The following CEBPZ variants were observed in gnomAD, a reference collection of about 807,000 sequenced individuals.
CEBPZ encodes CCAAT enhancer binding protein zeta.
CEBPZ carries 78 observed loss-of-function variants against 104.5 expected under a neutral mutation model. The observed-to-expected ratio is 0.75, with a 90% confidence interval of 0.62 to 0.90. The LOEUF is 0.90. Among genes scored for constraint, CEBPZ ranks in the 40% least tolerant of loss-of-function variants. The pLI, the probability that CEBPZ is intolerant of heterozygous loss-of-function variation, is 0.00. For synonymous variants in CEBPZ, 470 were observed against 427.0 expected (o/e 1.10, Z -1.24); for missense variants, 1,439 against 1,233.5 (o/e 1.17, Z -2.50).
chr2:37,231,444 G>C lies in CEBPZ; in HGVS notation c.124C>G (p.Leu42Val). Residue 42 changes from leucine to valine, a missense_variant, in exon 1 of 16, where the codon CTG becomes GTG. Transcript: ENST00000234170. ...NTSEAENGFS[L>V]EEVLRLGGTK... ...CCTCCGAGCCGTAACACTTCCTCCA[G>C]GGAGAACCCATTCTCGGCTTCACTA... 1 of 1,614,166 alleles carries C rather than the reference G, an allele frequency of 6.2e-7. No individual in the cohort carries two copies. The highest frequency in any genetic ancestry group is 8.5e-7 in the Non-Finnish European group (1 of 1,180,026).
At chr2:37,225,164 A>T (rs1477241315) in intron 2 of CEBPZ, among the ~76,000 whole-genome samples, 1 of 152,184 alleles carries the variant, frequency 6.6e-6, no homozygotes, top group Non-Finnish European at 1.5e-5. Flanking sequence ...TATTACTTCA[A>T]AGAGTTGTGG....
Position 37,227,699 on chromosome 2 carries a change from C to A in CEBPZ, c.1494G>T (p.Gln498His). ...TGVNRAYPYS[Q>H]TGDDKVREQI... ...GCTCCCTTACTTTGTCATCACCAGT[C>A]TGGGAATAAGGGTATGCCCTATTCA... The change falls in exon 2 of 16, where the codon CAG becomes CAT. Residue 498 changes from glutamine (Q) to histidine (H), a missense_variant. Gln to His is a conservative substitution (Grantham distance 24). Transcript: ENST00000234170. 1 of 1,614,192 alleles carries A rather than the reference C, an allele frequency of 6.2e-7. No individual in the cohort carries two copies. The highest frequency in any genetic ancestry group is 1.7e-5 in the Admixed American group (1 of 60,022).
chr2:37,220,473 C>A lies in CEBPZ; in HGVS notation c.2066G>T (p.Gly689Val). ...ATCGTATTTATTTAACTGTTTCCCA[C>A]CTAGGAATAACAAAAAAAATACGAT... ...ASWVHFDNLKGGKQLNKYDPF... is the reference protein window; with the variant it reads ...ASWVHFDNLKVGKQLNKYDPF... Residue 689 changes from glycine (G) to valine (V), a missense_variant and splice_region_variant, in exon 5 of 16, where the codon GGT becomes GTT. By Grantham distance (109) the Gly-to-Val change is moderately radical (BLOSUM62 -3). Coordinates refer to ENST00000234170, the MANE Select transcript of CEBPZ (RefSeq NM_005760.3). 1 of 1,556,098 alleles carries A rather than the reference C, an allele frequency of 6.4e-7. No homozygotes were observed.
intron 11 of CEBPZ, 99 bp downstream of exon 11, chr2:37,212,236 A>C (rs1677743609): frequency 8.7e-7 from 1 of 1,148,310 alleles, no homozygotes; most frequent in Non-Finnish European, 1.3e-6. Flanking sequence ...ACTTGACTAC[A>C]TTTCCCCTTT....
intron 5 of CEBPZ, among the ~76,000 whole-genome samples, chr2:37,218,428 C>T (rs780896663): frequency 5.9e-5 from 9 of 152,172 alleles, no homozygotes; most frequent in African/African-American, 1.9e-4. Context: ...TTGAAACATA[C>T]AATCTGGCCT....
Position 37,213,866 on chromosome 2 carries a change from A to G in CEBPZ, c.2543T>C (p.Ile848Thr). 1 of 1,599,014 alleles carries G rather than the reference A, an allele frequency of 6.3e-7. No individual in the cohort carries two copies. Among genetic ancestry groups the G allele is most frequent in the Non-Finnish European group, 8.5e-7 (1 of 1,169,926 alleles). ...AAAGAGTCAACAAAACAAATTACCA[A>G]TCAGCTCTTCAAATTCTTCATCATC... ...DVDDEEFEEL[I>T]DTFEDDNCFS... The change falls in exon 10 of 16, where the codon ATT (isoleucine) becomes ACT (threonine). Residue 848 changes from isoleucine to threonine, a missense_variant and splice_region_variant. By Grantham distance (89) the Ile-to-Thr change is moderately conservative (BLOSUM62 -1). Transcript: ENST00000234170.
intron 4 of CEBPZ, 32 bp downstream of exon 4, chr2:37,222,348 C>G (rs115183394): frequency 6.8e-7 from 1 of 1,477,024 alleles, no homozygotes. Flanking sequence ...GAGAAACAAA[C>G]TCCCTAGAGA....
At chr2:37,223,856 C>G (rs996992942) in intron 2 of CEBPZ, among the ~76,000 whole-genome samples, 1 of 152,142 alleles carries the variant, frequency 6.6e-6, no homozygotes, top group Non-Finnish European at 1.5e-5. Context: ...TAGTGAAGAC[C>G]ATCGATGAAC....
chr2:37,203,196 A>G, intron 13 of CEBPZ, 188 bp from the exon 14 acceptor site: 1 of 427,628 alleles, frequency 2.3e-6, no homozygotes, highest in Non-Finnish European at 4.2e-6. Context: ...TCAAAAAGCT[A>G]ACAACATCCT....
intron 5 of CEBPZ, among the ~76,000 whole-genome samples, chr2:37,218,315 C>T (rs747108361): frequency 4.0e-5 from 6 of 151,882 alleles, no homozygotes; most frequent in South Asian, 2.1e-4. Context: ...TGCTTCAGGA[C>T]GAAATATATA....
At chr2:37,212,576 C>G in intron 10 of CEBPZ, 184 bp from the exon 11 acceptor site, 2 of 548,246 alleles carry the variant, frequency 3.6e-6, no homozygotes, top group Non-Finnish European at 6.4e-6. Flanking sequence ...AAATACTGAT[C>G]TTAGTTAAAT....
rs1010799701 is a variant in CEBPZ, at chr2:37,201,972, C to G, written c.3026-69G>C. ...ACTCTTGGTGGTCCCACAGAACATG[C>G]TGCTGAGTCACAGGAACTTCTAGCC... On this transcript the variant is annotated intron_variant, in intron 15 of 15. Transcript: ENST00000234170. The G allele has an allele frequency of 6.1e-6, 9 of 1,463,782 alleles. No homozygotes were observed. In the African/African-American group the frequency reaches 1.3e-4, roughly 21 times the overall value. 90.7% of individuals were successfully genotyped at this position (1,463,782 alleles called of 1,614,324 possible). A position where few individuals can be genotyped will look rare whatever the true frequency, so the allele number is the denominator to read the frequency against.
At chr2:37,210,233 C>A (rs1226216586) in intron 13 of CEBPZ, 1 of 152,166 alleles carries the variant, frequency 6.6e-6, no homozygotes, top group Non-Finnish European at 1.5e-5. Context: ...CCTTAAAGAA[C>A]TGAAAGTAGA....
intron 13 of CEBPZ, among the ~76,000 whole-genome samples, chr2:37,205,641 T>C (rs1194129986): frequency 6.6e-6 from 1 of 152,226 alleles, no homozygotes; most frequent in African/African-American, 2.4e-5. Context: ...CATGAAACTT[T>C]TTAAAACATT....
At chr2:37,204,959 G>A (rs1677480593) in intron 13 of CEBPZ, among the ~76,000 whole-genome samples, 1 of 152,076 alleles carries the variant, frequency 6.6e-6, no homozygotes, top group Non-Finnish European at 1.5e-5. Flanking sequence ...AGGCTCAGTA[G>A]AACTTGAAGT....
intron 1 of CEBPZ, among the ~76,000 whole-genome samples, chr2:37,230,720 A>G (rs1665049796): frequency 6.6e-6 from 1 of 152,070 alleles, no homozygotes; most frequent in South Asian, 2.1e-4. Context: ...TGCCTCTGCT[A>G]CACTGGCATT....
At chr2:37,226,244 C>T (rs140121699) in intron 2 of CEBPZ, among the ~76,000 whole-genome samples, 3,382 of 152,056 alleles carry the variant, frequency 0.022, 77 homozygotes, top group African/African-American at 0.062. Flanking sequence ...TCCCACCTTA[C>T]GAGAAACACC....
intron 13 of CEBPZ, 160 bp from the exon 14 acceptor site, chr2:37,203,168 A>G: frequency 2.0e-6 from 1 of 497,132 alleles, no homozygotes; most frequent in South Asian, 3.8e-5. Flanking sequence ...ATAATTTAAG[A>G]GTTAGTATAT....
Position 37,211,850 on chromosome 2 carries a change from G to A in CEBPZ, c.2793C>T (p.Ser931=), listed in dbSNP as rs1137437. The part of the protein sequence containing the change: ...FMDVLDDESE[S]VPELEVHSKV... ...ATTTTAAAAAATGCTTACCTGGAAC[G>A]CTCTCACTTTCATCATCTAACACAT... The change falls in exon 12 of 16, where the codon AGC becomes AGT. Residue 931 remains serine, a synonymous_variant. Coordinates refer to ENST00000234170, the MANE Select transcript of CEBPZ (RefSeq NM_005760.3). 601,744 of 1,590,218 alleles carry A rather than the reference G, an allele frequency of 0.38. 116,449 individuals are homozygous for A. The highest frequency in any genetic ancestry group is 0.41 in the Middle Eastern group (2,416 of 5,914).
Sources: allele counts gnomAD v4.1 joint callset (sites outside exome capture counted in the v4.1 genomes callset), GRCh38; gene constraint gnomAD v4.1.1; transcripts MANE v1.5; gene names NCBI Gene and HGNC (gene_info 2026-07-23, HGNC 2026-07-21).